Variants in CENPW observed in about 807,000 individuals in gnomAD.
CENPW encodes the protein cancer-up-regulated gene 2 protein.
A neutral mutation model predicts 11.1 loss-of-function variants in CENPW; 3 were observed. The ratio of observed to expected loss-of-function variants is 0.27; its 90% CI spans 0.12 to 0.70. CENPW has a LOEUF of 0.70. Ranked by LOEUF, CENPW falls within the 30% of genes least tolerant of loss-of-function variation. The pLI, the probability that CENPW is intolerant of heterozygous loss-of-function variation, is 0.77. For missense variants in CENPW, 100 were observed against 105.6 expected, an observed-to-expected ratio of 0.95 and a Z score of 0.23; for synonymous variants, 38 against 42.0, an observed-to-expected ratio of 0.91 and a Z score of 0.37.
chr6:126,464,129 T>C, the CENPW span, among the ~76,000 whole-genome samples: 1 of 152,070 alleles, frequency 6.6e-6, no homozygotes, highest in Non-Finnish European at 1.5e-5. Context: ...CACGATCAAA[T>C]GTGATTTACC....
At chr6:126,431,794 C>T in the CENPW span, among the ~76,000 whole-genome samples, 4 of 151,852 alleles carry the variant, frequency 2.6e-5, no homozygotes, top group East Asian at 3.9e-4. Flanking sequence ...TGGCCAGGCG[C>T]GGTGGCTCAC....
chr6:126,457,078 T>C, the CENPW span, among the ~76,000 whole-genome samples: 5 of 151,342 alleles, frequency 3.3e-5, no homozygotes, highest in Non-Finnish European at 7.4e-5. Context: ...AAAAGGAATG[T>C]TTATACACTG....
the CENPW span, among the ~76,000 whole-genome samples, chr6:126,399,380 C>A: frequency 6.6e-6 from 1 of 152,030 alleles, no homozygotes; most frequent in South Asian, 2.1e-4. Flanking sequence ...TATACTGGCA[C>A]AAGGGCAGAG....
At chr6:126,379,420 T>C in the CENPW span, among the ~76,000 whole-genome samples, 1 of 152,182 alleles carries the variant, frequency 6.6e-6, no homozygotes, top group Admixed American at 6.5e-5. Context: ...TACTAATACT[T>C]GAGTGTGAAG....
chr6:126,402,937 G>C, the CENPW span, among the ~76,000 whole-genome samples: 2 of 151,948 alleles, frequency 1.3e-5, no homozygotes, highest in East Asian at 3.9e-4. Flanking sequence ...GTCTATCAAT[G>C]CCATTTTTTC....
At chr6:126,415,660 C>T in the CENPW span, among the ~76,000 whole-genome samples, 4 of 152,164 alleles carry the variant, frequency 2.6e-5, no homozygotes, top group South Asian at 4.1e-4. Context: ...AGGTCTTTCT[C>T]GTGCTGTTCT....
the CENPW span, among the ~76,000 whole-genome samples, chr6:126,408,666 T>C: frequency 6.6e-6 from 1 of 152,202 alleles, no homozygotes; most frequent in Non-Finnish European, 1.5e-5. Context: ...ATATTCTTAT[T>C]GATCTGTTCA....
the CENPW span, among the ~76,000 whole-genome samples, chr6:126,408,848 G>GA: frequency 6.6e-6 from 1 of 152,018 alleles, no homozygotes; most frequent in South Asian, 2.1e-4. Context: ...TTATTTGTGT[G>GA]AGTCTTCTCT....
At chr6:126,398,418 GAGTT>G in the CENPW span, among the ~76,000 whole-genome samples, 1 of 152,092 alleles carries the variant, frequency 6.6e-6, no homozygotes, top group Non-Finnish European at 1.5e-5. Context: ...TATCCATGAG[GAGTT>G]AGTTCCAGGA....
the CENPW span, among the ~76,000 whole-genome samples, chr6:126,481,286 TGGG>T: frequency 6.6e-6 from 1 of 152,022 alleles, no homozygotes; most frequent in South Asian, 2.1e-4. Context: ...ATTTTTTTTT[TGGG>T]GTGCATACTT....
chr6:126,378,103 T>C, the CENPW span, among the ~76,000 whole-genome samples: 3 of 152,296 alleles, frequency 2.0e-5, no homozygotes, highest in African/African-American at 7.2e-5. Context: ...CAAATTATCT[T>C]CTTTAGTTGG....
At chr6:126,427,482 G>A in the CENPW span, among the ~76,000 whole-genome samples, 29 of 152,088 alleles carry the variant, frequency 1.9e-4, no homozygotes, top group African/African-American at 7.0e-4. Context: ...TCAGTTTACT[G>A]TGTATTAAAA....
the CENPW span, among the ~76,000 whole-genome samples, chr6:126,466,831 C>T: frequency 1.3e-5 from 2 of 152,038 alleles, no homozygotes; most frequent in Non-Finnish European, 2.9e-5. Flanking sequence ...ACTAGCATTT[C>T]TATAGACCAA....
the CENPW span, among the ~76,000 whole-genome samples, chr6:126,454,018 C>T: frequency 6.6e-6 from 1 of 151,376 alleles, no homozygotes; most frequent in Middle Eastern, 3.4e-3. Flanking sequence ...AACAAGAAGA[C>T]CTAACTATCC....
the CENPW span, among the ~76,000 whole-genome samples, chr6:126,359,965 A>G: frequency 5.3e-5 from 8 of 152,110 alleles, no homozygotes; most frequent in African/African-American, 1.9e-4. Context: ...TTTTGATCCT[A>G]TCATTGTGTT....
At chr6:126,353,184 G>C (rs1190083815), downstream of CENPW, among the ~76,000 whole-genome samples, 1 of 149,398 alleles carries the variant, frequency 6.7e-6, no homozygotes. Flanking sequence ...CGTTTTCTTT[G>C]CTGATCATTT....
the CENPW span, among the ~76,000 whole-genome samples, chr6:126,366,517 C>T: frequency 3.3e-5 from 5 of 152,204 alleles, no homozygotes; most frequent in African/African-American, 1.2e-4. Context: ...ATTAATGAAC[C>T]ATACTTGTAT....
chr6:126,423,927 G>C, the CENPW span, among the ~76,000 whole-genome samples: 6 of 151,418 alleles, frequency 4.0e-5, no homozygotes, highest in South Asian at 2.1e-4. Context: ...TGCCATGCTG[G>C]TGTGCTGCAC....
At chr6:126,420,393 A>T in the CENPW span, among the ~76,000 whole-genome samples, 2 of 152,190 alleles carry the variant, frequency 1.3e-5, no homozygotes, top group African/African-American at 4.8e-5. Flanking sequence ...CATTTTAAAA[A>T]AAATGGTAGT....
Sources: allele counts gnomAD v4.1 joint callset (sites outside exome capture counted in the v4.1 genomes callset), GRCh38; gene constraint gnomAD v4.1.1; transcripts MANE v1.5; gene names NCBI Gene and HGNC (gene_info 2026-07-23, HGNC 2026-07-21).